The following KCNIP1 variants were observed in gnomAD, a reference collection of about 807,000 sequenced individuals.
The protein encoded by KCNIP1 is A-type potassium channel modulatory protein KCNIP1.
In KCNIP1, 18 loss-of-function variants were observed where a neutral mutation model predicts 33.0. The ratio of observed to expected loss-of-function variants is 0.55; its 90% CI spans 0.38 to 0.81. The LOEUF is 0.81. Ranked by LOEUF, KCNIP1 falls within the 30% of genes least tolerant of loss-of-function variation. The pLI is 0.00. For synonymous variants in KCNIP1, 93 were observed against 98.3 expected, an observed-to-expected ratio of 0.95 and a Z score of 0.32; for missense variants, 238 against 271.6, an observed-to-expected ratio of 0.88 and a Z score of 0.87.
At chr5:170,624,951 T>C (rs1381917570) in intron 1 of KCNIP1, among the ~76,000 whole-genome samples, 1 of 152,182 alleles carries the variant, frequency 6.6e-6, no homozygotes, top group Non-Finnish European at 1.5e-5. Context: ...TTCTCCAGCA[T>C]GGCACATGGT....
chr5:170,653,576 G>A (rs958553068), intron 1 of KCNIP1, among the ~76,000 whole-genome samples: 1 of 152,058 alleles, frequency 6.6e-6, no homozygotes, highest in Non-Finnish European at 1.5e-5. Flanking sequence ...CTTATCTTAA[G>A]CCAAAAAGAG....
chr5:170,451,026 T>C (rs1756236881), intron 1 of KCNIP1, among the ~76,000 whole-genome samples: 1 of 152,062 alleles, frequency 6.6e-6, no homozygotes, highest in Non-Finnish European at 1.5e-5. Context: ...AAAAGTTTGT[T>C]GCTGAGAAAG....
chr5:170,509,163 C>A (rs916213578), intron 1 of KCNIP1, among the ~76,000 whole-genome samples: 8 of 152,300 alleles, frequency 5.3e-5, no homozygotes, highest in Non-Finnish European at 1.2e-4. Flanking sequence ...GTTGTTCGGT[C>A]TGCTGGCTTT....
At chr5:170,606,992 A>T (rs182154742) in intron 1 of KCNIP1, among the ~76,000 whole-genome samples, 156 of 152,340 alleles carry the variant, frequency 1.0e-3, no homozygotes, top group African/African-American at 3.6e-3. Flanking sequence ...TCTTAGCTGC[A>T]CAGCTGCCCC....
At chr5:170,534,637 A>G (rs1038463358) in intron 1 of KCNIP1, among the ~76,000 whole-genome samples, 4 of 151,404 alleles carry the variant, frequency 2.6e-5, no homozygotes, top group Admixed American at 2.0e-4. Context: ...CCCCACCTCA[A>G]CCTCCCAAGT....
At position 170,504,655 on chromosome 5, in the gene KCNIP1, G is replaced by A; in HGVS notation, c.61+22G>A. The A allele has an allele frequency of 6.2e-7, 1 of 1,606,214 alleles. No individual in the cohort carries two copies. Among genetic ancestry groups the A allele is most frequent in the Non-Finnish European group, 8.5e-7 (1 of 1,173,138 alleles). On this transcript the variant is annotated intron_variant, in intron 1 of 7. Coordinates refer to ENST00000328939, the MANE Select transcript of KCNIP1 (RefSeq NM_014592.4). This position sits in a 1 kb window ranked among gnomAD's most constrained non-coding sequence, Gnocchi z 6.0. ...AAAGGTAAGCCACCTTCTTCCTTTT[G>A]TTCCCCTGTCTGGGCTTGGGGGTGC... is the stretch of plus-strand genomic sequence containing the variant.
chr5:170,643,298 G>A (rs1356394139), intron 1 of KCNIP1, among the ~76,000 whole-genome samples: 4 of 152,232 alleles, frequency 2.6e-5, no homozygotes, highest in African/African-American at 7.2e-5. Context: ...CTTTAGCCCA[G>A]TGCAACTGAC....
At chr5:170,508,699 C>T (rs1259756972) in intron 1 of KCNIP1, among the ~76,000 whole-genome samples, 1 of 152,210 alleles carries the variant, frequency 6.6e-6, no homozygotes, top group Non-Finnish European at 1.5e-5. Flanking sequence ...CTATAATGCT[C>T]TCCCACCCCA....
chr5:170,455,582 T>C (rs1247137668), intron 1 of KCNIP1, among the ~76,000 whole-genome samples: 1 of 152,174 alleles, frequency 6.6e-6, no homozygotes, highest in Non-Finnish European at 1.5e-5. Flanking sequence ...CTTCGATAAT[T>C]TAAAAGGACT....
At chr5:170,528,536 T>C (rs749842689) in intron 1 of KCNIP1, among the ~76,000 whole-genome samples, 5 of 152,228 alleles carry the variant, frequency 3.3e-5, no homozygotes, top group Non-Finnish European at 7.3e-5. Flanking sequence ...TTCATCCTCC[T>C]GAGGGATCAA....
chr5:170,369,951 C>T (rs1238454748), intron 1 of KCNIP1, among the ~76,000 whole-genome samples: 2 of 152,146 alleles, frequency 1.3e-5, no homozygotes, highest in Non-Finnish European at 2.9e-5. Flanking sequence ...TTCAGTGAGG[C>T]AGAAATACGG....
chr5:170,467,716 G>C (rs1756637608), intron 1 of KCNIP1, among the ~76,000 whole-genome samples: 2 of 152,086 alleles, frequency 1.3e-5, no homozygotes, highest in African/African-American at 4.8e-5. Context: ...TCAGGAGTTA[G>C]AGACCAGCCT....
intron 1 of KCNIP1, among the ~76,000 whole-genome samples, chr5:170,606,888 A>G (rs1207370514): frequency 6.6e-6 from 1 of 152,164 alleles, no homozygotes; most frequent in Admixed American, 6.5e-5. Context: ...ACTTTGTCCA[A>G]GAAACTGCTC....
intron 1 of KCNIP1, among the ~76,000 whole-genome samples, chr5:170,535,165 G>A (rs577098039): frequency 6.6e-6 from 1 of 152,306 alleles, no homozygotes; most frequent in South Asian, 2.1e-4. Context: ...CTCCAAGTGT[G>A]CCTCACCCCC....
chr5:170,461,545 T>C (rs1756501094), intron 1 of KCNIP1, among the ~76,000 whole-genome samples: 2 of 152,068 alleles, frequency 1.3e-5, no homozygotes, highest in South Asian at 4.2e-4. Context: ...AGTCAGGAGA[T>C]TGAGACCATC....
At chr5:170,394,274 A>G (rs1178520447) in intron 1 of KCNIP1, among the ~76,000 whole-genome samples, 3 of 152,156 alleles carry the variant, frequency 2.0e-5, no homozygotes, top group African/African-American at 7.2e-5. Flanking sequence ...GGAGCACCGC[A>G]TGCCTCTTCT....
chr5:170,697,723 G>A (rs1762947495), intron 1 of KCNIP1, among the ~76,000 whole-genome samples: 1 of 152,116 alleles, frequency 6.6e-6, no homozygotes, highest in African/African-American at 2.4e-5. Context: ...TCCCAGCACA[G>A]CATCCACACT....
chr5:170,452,816 C>T (rs534837123), intron 1 of KCNIP1, among the ~76,000 whole-genome samples: 4 of 152,130 alleles, frequency 2.6e-5, no homozygotes, highest in East Asian at 3.9e-4. Flanking sequence ...TCAAATGAGG[C>T]GACAACAGAG....
chr5:170,604,913 A>G (rs1047038189), intron 1 of KCNIP1, among the ~76,000 whole-genome samples: 4 of 152,272 alleles, frequency 2.6e-5, no homozygotes, highest in African/African-American at 4.8e-5. Context: ...GGCCATTTGC[A>G]CTGGCCACCT....
Sources: gnomAD v4.1 joint callset for allele counts (sites outside exome capture counted in the v4.1 genomes callset) on GRCh38, gnomAD v4.1.1 for gene constraint, Gnocchi (gnomAD v3.1) non-coding constraint, MANE v1.5 for transcripts, NCBI Gene and HGNC (gene_info 2026-07-23, HGNC 2026-07-21) for gene names.